The following ARHGEF4 variants were observed in gnomAD, a reference collection of about 807,000 sequenced individuals.
The protein encoded by ARHGEF4 is APC-stimulated guanine nucleotide exchange factor 1.
In ARHGEF4, 119 loss-of-function variants were observed where a neutral mutation model predicts 162.0. The ratio of observed to expected loss-of-function variants is 0.73; its 90% CI spans 0.63 to 0.86. The LOEUF (loss-of-function observed/expected upper bound fraction) is 0.86, where lower values mean the gene tolerates loss of function less well. Ranked by LOEUF, ARHGEF4 falls within the 40% of genes least tolerant of loss-of-function variation. The pLI is 0.00. For missense variants in ARHGEF4, 2,488 were observed against 2,456.0 expected, an observed-to-expected ratio of 1.01 and a Z score of -0.28; for synonymous variants, 1,014 against 979.9, an observed-to-expected ratio of 1.03 and a Z score of -0.65.
rs191665782 is a variant in ARHGEF4 at position 130,954,159 on chromosome 2, T to G, written c.3985+7524T>G. Among the ~76,000 whole-genome samples, 344 of 152,316 alleles carry G rather than the reference T, an allele frequency of 2.3e-3. 2 individuals carry two copies. The highest frequency in any genetic ancestry group is 7.8e-3 in the African/African-American group (325 of 41,564). On this transcript the variant is annotated intron_variant, in intron 4 of 13. Coordinates refer to ENST00000409359, the MANE Select transcript of ARHGEF4 (RefSeq NM_001367493.1). ...CAAAGACTTGGAACCGACCCAAATG[T>G]CTGTCAGTAATAGACTGGATTAAGA...
intron 1 of ARHGEF4, among the ~76,000 whole-genome samples, chr2:130,866,943 T>C (rs1410919364): frequency 1.3e-5 from 2 of 152,232 alleles, no homozygotes; most frequent in East Asian, 1.9e-4. Context: ...ATAAACGGTA[T>C]CATTTGTTCC....
At chr2:130,974,986 TTTTTCC>T (rs1685605650) in intron 4 of ARHGEF4, among the ~76,000 whole-genome samples, 1 of 152,180 alleles carries the variant, frequency 6.6e-6, no homozygotes, top group Non-Finnish European at 1.5e-5. Flanking sequence ...ACTAAAGTTC[TTTTTCC>T]TTTTCCTTTA....
chr2:130,904,527 G>A lies in ARHGEF4; in HGVS notation c.40-9459G>A, dbSNP rs554658458. ...TCCATCCATTTGATATAACAGCTAG[G>A]AATATTGACAGTCAGGATCCAAACA... On this transcript the variant is annotated intron_variant, in intron 1 of 13. Coordinates refer to ENST00000409359, the MANE Select transcript of ARHGEF4 (RefSeq NM_001367493.1). Among the ~76,000 whole-genome samples the A allele has an allele frequency of 3.9e-5, 6 of 152,148 alleles. No individual in the cohort carries two copies. The South Asian group carries it at 1.2e-3, about 32-fold the overall frequency.
intron 3 of ARHGEF4, among the ~76,000 whole-genome samples, chr2:130,939,071 G>A (rs1683126669): frequency 6.6e-6 from 1 of 152,164 alleles, no homozygotes; most frequent in South Asian, 2.1e-4. Context: ...CCACCCTCAA[G>A]TAGGCCTCAG....
intron 4 of ARHGEF4, among the ~76,000 whole-genome samples, chr2:130,967,595 A>G (rs1038606982): frequency 5.3e-5 from 8 of 152,208 alleles, no homozygotes; most frequent in African/African-American, 1.9e-4. Context: ...TCCGCAGGCA[A>G]GGCCTCTCCT....
intron 5 of ARHGEF4, chr2:131,035,867 G>A (rs1690238195): frequency 1.0e-6 from 1 of 985,352 alleles, no homozygotes; most frequent in Non-Finnish European, 1.2e-6. Flanking sequence ...GGGCAGTGGC[G>A]GTCACAGGGA....
intron 1 of ARHGEF4, among the ~76,000 whole-genome samples, chr2:130,852,417 C>T (rs1393907216): frequency 6.6e-6 from 1 of 151,704 alleles, no homozygotes; most frequent in East Asian, 1.9e-4. Context: ...GGCACAACAT[C>T]GGGGTGCCGT....
At chr2:130,949,796 C>T (rs1352027312) in intron 4 of ARHGEF4, among the ~76,000 whole-genome samples, 2 of 152,140 alleles carry the variant, frequency 1.3e-5, no homozygotes, top group Non-Finnish European at 2.9e-5. Context: ...TTACAGGTCC[C>T]CACCACCATG....
At chr2:130,931,587 G>A (rs931302906) in intron 3 of ARHGEF4, among the ~76,000 whole-genome samples, 2 of 152,330 alleles carry the variant, frequency 1.3e-5, no homozygotes, top group African/African-American at 4.8e-5. Flanking sequence ...CTGTGTGCCC[G>A]ACATGATTAG....
chr2:130,978,300 T>C (rs950768099), intron 4 of ARHGEF4, among the ~76,000 whole-genome samples: 3 of 152,210 alleles, frequency 2.0e-5, no homozygotes, highest in African/African-American at 7.2e-5. Context: ...TGGCTGACCA[T>C]GTAGCCACCC....
chr2:130,868,012 G>A (rs1346226201), intron 1 of ARHGEF4, among the ~76,000 whole-genome samples: 4 of 137,740 alleles, frequency 2.9e-5, no homozygotes, highest in East Asian at 2.2e-4. Flanking sequence ...TGCAAGCTCC[G>A]CCTCCCAGAT....
rs1161694587 is a variant in ARHGEF4, at chr2:130,854,411, C to T, written c.39+17419C>T. 9.2e-5 allele frequency among the ~76,000 whole-genome samples: 14 copies of T among 152,290 alleles called. 1 individual carries two copies. The highest frequency in any genetic ancestry group is 7.2e-4 in the Admixed American group (11 of 15,302). On this transcript the variant is annotated intron_variant, in intron 1 of 13. Coordinates refer to ENST00000409359, the MANE Select transcript of ARHGEF4 (RefSeq NM_001367493.1). ...GGGCACACCCTGGGGAAGCTCTACC[C>T]CAGCAGGTATGGCCAAGAAGACGGG...
intron 4 of ARHGEF4, chr2:130,963,710 C>G (rs1278393146): frequency 6.8e-6 from 1 of 146,132 alleles, no homozygotes; most frequent in Non-Finnish European, 1.5e-5. Context: ...CTGGGGTCGC[C>G]GTTGAGGCTC....
intron 1 of ARHGEF4, among the ~76,000 whole-genome samples, chr2:130,870,516 C>T (rs925790058): frequency 6.6e-6 from 1 of 152,252 alleles, no homozygotes; most frequent in Non-Finnish European, 1.5e-5. Flanking sequence ...TGTGTTTGTG[C>T]GGCCCTCATT....
chr2:130,987,925 C>T (rs775363105), intron 4 of ARHGEF4, among the ~76,000 whole-genome samples: 4 of 152,274 alleles, frequency 2.6e-5, no homozygotes, highest in Non-Finnish European at 4.4e-5. Context: ...GCCACACAGA[C>T]GCTGGGCTTG....
At chr2:131,001,323 A>C (rs1291447503) in intron 4 of ARHGEF4, among the ~76,000 whole-genome samples, 13 of 151,386 alleles carry the variant, frequency 8.6e-5, no homozygotes, top group African/African-American at 2.2e-4. Flanking sequence ...AAAAAAAAAA[A>C]AAAAACAGAA....
chr2:130,915,613 C>T lies in ARHGEF4; in HGVS notation c.1667C>T (p.Thr556Ile). The T allele has an allele frequency of 6.4e-7, 1 of 1,550,532 alleles. No homozygotes were observed. Among genetic ancestry groups the T allele is most frequent in the Non-Finnish European group, 8.7e-7 (1 of 1,146,988 alleles). Reference protein sequence around the residue: ...VSDSSDAPETTQKSSAIDTSK... With the variant: ...VSDSSDAPETIQKSSAIDTSK... Reference sequence around the variant, plus strand: ...GACAGTTCAGATGCCCCTGAGACCACCCAGAAATCAAGCGCAATAGACACT... The same window carrying T: ...GACAGTTCAGATGCCCCTGAGACCATCCAGAAATCAAGCGCAATAGACACT... The change falls in exon 2 of 14, where the codon ACC becomes ATC. Residue 556 changes from threonine to isoleucine, a missense_variant. Physicochemically the swap from Thr to Ile is moderately conservative, Grantham distance 89. Coordinates refer to ENST00000409359, the MANE Select transcript of ARHGEF4 (RefSeq NM_001367493.1).
intron 1 of ARHGEF4, among the ~76,000 whole-genome samples, chr2:130,885,564 C>CTTTTTTT (rs961513941): frequency 1.8e-4 from 18 of 100,368 alleles, no homozygotes; most frequent in Non-Finnish European, 3.1e-4. Flanking sequence ...TTTTCTTATT[C>CTTTTTTT]TTTTTTTTTT....
chr2:131,029,217 G>C (rs532563018), intron 5 of ARHGEF4, among the ~76,000 whole-genome samples: 73 of 152,178 alleles, frequency 4.8e-4, no homozygotes, highest in Non-Finnish European at 8.5e-4. Flanking sequence ...AAATTAGCCA[G>C]GCATGGTGGC....
Sources: allele counts gnomAD v4.1 joint callset (sites outside exome capture counted in the v4.1 genomes callset), GRCh38; gene constraint gnomAD v4.1.1; transcripts MANE v1.5; gene names NCBI Gene and HGNC (gene_info 2026-07-23, HGNC 2026-07-21).